Variants in ADAMTS3 observed in about 807,000 individuals in gnomAD.
ADAMTS3 encodes the protein ADAM metallopeptidase with thrombospondin type 1 motif 3.
ADAMTS3 carries 73 observed loss-of-function variants against 129.0 expected under a neutral mutation model. That is an observed-to-expected ratio of 0.57 (90% CI 0.47 to 0.69). ADAMTS3 has a LOEUF of 0.69. Ranked by LOEUF, ADAMTS3 falls within the 30% of genes least tolerant of loss-of-function variation. The pLI is 0.00. For synonymous variants in ADAMTS3, 477 were observed against 510.8 expected (o/e 0.93, Z 0.89); for missense variants, 1,457 against 1,514.5 (o/e 0.96, Z 0.63).
At chr4:72,457,321 A>T (rs1718651411) in intron 3 of ADAMTS3, among the ~76,000 whole-genome samples, 1 of 151,838 alleles carries the variant, frequency 6.6e-6, no homozygotes, top group Non-Finnish European at 1.5e-5. Flanking sequence ...AATGACAGTA[A>T]TAGCACTTTA....
chr4:72,539,528 T>C (rs557639081), intron 3 of ADAMTS3, among the ~76,000 whole-genome samples: 8 of 142,484 alleles, frequency 5.6e-5, no homozygotes, highest in African/African-American at 7.8e-5. Flanking sequence ...AAATAACAAG[T>C]GTTCACAAGA....
chr4:72,329,182 G>GA (rs1463346496), intron 5 of ADAMTS3, among the ~76,000 whole-genome samples: 14 of 151,978 alleles, frequency 9.2e-5, no homozygotes, highest in South Asian at 2.1e-4. Flanking sequence ...CTATAAGCAT[G>GA]AAAAAAAATG....
At chr4:72,316,986 A>G (rs1209351358) in intron 10 of ADAMTS3, among the ~76,000 whole-genome samples, 2 of 152,150 alleles carry the variant, frequency 1.3e-5, no homozygotes, top group Non-Finnish European at 2.9e-5. Flanking sequence ...TTTTCTGAAC[A>G]CACCACATTA....
chr4:72,374,860 C>T (rs1033217030), intron 4 of ADAMTS3, among the ~76,000 whole-genome samples: 3 of 152,152 alleles, frequency 2.0e-5, no homozygotes, highest in Admixed American at 2.0e-4. Flanking sequence ...CATTTAAAAT[C>T]TCTTGCTCTT....
At chr4:72,344,475 C>A (rs1415916000) in intron 4 of ADAMTS3, among the ~76,000 whole-genome samples, 1 of 152,028 alleles carries the variant, frequency 6.6e-6, no homozygotes, top group African/African-American at 2.4e-5. Context: ...AACCATCTAC[C>A]CAATATTCAT....
chr4:72,565,371 A>G (rs79588222), intron 2 of ADAMTS3, among the ~76,000 whole-genome samples: 2,613 of 152,298 alleles, frequency 0.017, 75 homozygotes, highest in African/African-American at 0.06. Context: ...TAATAGAAAA[A>G]AAATAAATAA....
In ADAMTS3 at chr4:72,481,617, A is replaced by T. The variant is rs187215549; in HGVS notation, c.505-66646T>A. 5.9e-5 allele frequency among the ~76,000 whole-genome samples: 9 copies of T among 152,228 alleles called. No homozygotes were observed. The East Asian group carries it at 1.7e-3, about 29-fold the overall frequency. The stretch of plus-strand genomic sequence containing the variant: ...TTTTAGAAAAAAACATAGGAGAAAA[A>T]TCTTCAGGATCTAGAGCTAGGCAAA... On this transcript the variant is annotated intron_variant, in intron 3 of 21. Coordinates refer to ENST00000286657, the MANE Select transcript of ADAMTS3 (RefSeq NM_014243.3).
rs1311180825 is a variant in ADAMTS3 at position 72,530,078 on chromosome 4, ATATT to A, written c.504+18396_504+18399del. On this transcript the variant is annotated intron_variant, in intron 3 of 21. Transcript: ENST00000286657. The stretch of plus-strand genomic sequence containing the variant: ...TATAATATGTTATATATAACATATT[ATATT>A]TATATATAATATGTTATATATAACA... 5.3e-3 allele frequency among the ~76,000 whole-genome samples: 65 copies of A among 12,308 alleles called. 22 individuals carry two copies. The highest frequency in any genetic ancestry group is 7.0e-3 in the Non-Finnish European group (62 of 8,826). The allele number at this position is 12,308 out of a possible 152,430, so 8.1% of individuals were successfully genotyped here.
At chr4:72,553,898 T>A (rs1385621169) in intron 2 of ADAMTS3, among the ~76,000 whole-genome samples, 3 of 152,174 alleles carry the variant, frequency 2.0e-5, no homozygotes, top group African/African-American at 7.2e-5. Flanking sequence ...TTTACCTACA[T>A]CTTTAGTTTT....
chr4:72,478,914 G>T (rs1345846898), intron 3 of ADAMTS3, among the ~76,000 whole-genome samples: 1 of 151,758 alleles, frequency 6.6e-6, no homozygotes, highest in Admixed American at 6.6e-5. Context: ...CAAACAGAGA[G>T]CCAAATCATG....
rs952752353 is a variant in ADAMTS3 at position 72,495,129 on chromosome 4, G to A, written c.504+53349C>T. Among the ~76,000 whole-genome samples, 7 of 152,320 alleles carry A rather than the reference G, an allele frequency of 4.6e-5. No individual in the cohort carries two copies. In the South Asian group the frequency reaches 1.0e-3, roughly 23 times the overall value. On this transcript the variant is annotated intron_variant, in intron 3 of 21. Transcript: ENST00000286657. ...GATGGTGTAAGTGTCTAAGGCCTGA[G>A]TGTGCTAAGCAGCCGCGAAGACAGG...
chr4:72,481,105 G>T (rs1578721303), intron 3 of ADAMTS3, among the ~76,000 whole-genome samples: 2 of 152,184 alleles, frequency 1.3e-5, no homozygotes, highest in South Asian at 4.1e-4. Flanking sequence ...AAACACTCAA[G>T]ATAGTAAAGA....
chr4:72,474,203 T>C (rs1719162320), intron 3 of ADAMTS3, among the ~76,000 whole-genome samples: 1 of 151,992 alleles, frequency 6.6e-6, no homozygotes, highest in Non-Finnish European at 1.5e-5. Context: ...GATCTCAAAC[T>C]AAATGAAAAA....
chr4:72,309,990 A>C (rs1257078062), intron 14 of ADAMTS3, among the ~76,000 whole-genome samples: 2 of 152,052 alleles, frequency 1.3e-5, no homozygotes, highest in African/African-American at 4.8e-5. Flanking sequence ...AGAAACACAG[A>C]ATAGAAAAGC....
intron 4 of ADAMTS3, among the ~76,000 whole-genome samples, chr4:72,361,051 C>A (rs1015324190): frequency 2.0e-5 from 3 of 152,088 alleles, no homozygotes; most frequent in African/African-American, 7.2e-5. Context: ...CTGTCTTCAA[C>A]CAGAGCAACC....
chr4:72,373,004 T>C lies in ADAMTS3; in HGVS notation c.662-33311A>G, dbSNP rs111949070. ...TTTGGAAAACTCATTATTATAAAGA[T>C]GCTAATTCTCCTCAATTTTAATTTT... On this transcript the variant is annotated intron_variant, in intron 4 of 21. Transcript: ENST00000286657. 1.2e-4 allele frequency among the ~76,000 whole-genome samples: 18 copies of C among 152,322 alleles called. 2 individuals carry two copies. Among genetic ancestry groups the C allele is most frequent in the African/African-American group, 4.3e-4 (18 of 41,578 alleles).
chr4:72,385,325 A>C (rs1721418500), intron 4 of ADAMTS3, among the ~76,000 whole-genome samples: 1 of 148,222 alleles, frequency 6.7e-6, no homozygotes, highest in South Asian at 2.1e-4. Context: ...GTGGCCATTA[A>C]AAAAATAAAT....
chr4:72,295,391 C>T (rs998633937), intron 19 of ADAMTS3, among the ~76,000 whole-genome samples: 1 of 151,838 alleles, frequency 6.6e-6, no homozygotes, highest in South Asian at 2.1e-4. Context: ...GGAATAGAAG[C>T]AAAAACATTT....
chr4:72,369,002 T>C (rs901530438), intron 4 of ADAMTS3, among the ~76,000 whole-genome samples: 1 of 152,212 alleles, frequency 6.6e-6, no homozygotes, highest in African/African-American at 2.4e-5. Context: ...ACTGCTTTCA[T>C]GCAATTAAAA....
Sources: gnomAD v4.1 joint callset for allele counts (sites outside exome capture counted in the v4.1 genomes callset) on GRCh38, gnomAD v4.1.1 for gene constraint, MANE v1.5 for transcripts, NCBI Gene and HGNC (gene_info 2026-07-23, HGNC 2026-07-21) for gene names.